Variants in MXI1 observed in about 807,000 individuals in gnomAD.
MXI1 encodes max-interacting protein 1.
In MXI1, 18 loss-of-function variants were observed where a neutral mutation model predicts 36.9. That is an observed-to-expected ratio of 0.49 (90% CI 0.34 to 0.72). MXI1 has a LOEUF of 0.72. MXI1 is among the 30% of genes least tolerant of loss of function. The pLI is 0.01. For synonymous variants in MXI1, 160 were observed against 146.7 expected, an observed-to-expected ratio of 1.09 and a Z score of -0.65; for missense variants, 304 against 379.1, an observed-to-expected ratio of 0.80 and a Z score of 1.64.
chr10:110,247,090 C>G (rs1855895117), intron 3 of MXI1, among the ~76,000 whole-genome samples: 2 of 152,090 alleles, frequency 1.3e-5, no homozygotes, highest in Non-Finnish European at 2.9e-5. Flanking sequence ...ACTAGGGACT[C>G]TCTTTAGTAA....
At chr10:110,280,802 C>T (rs1857220797) in intron 5 of MXI1, among the ~76,000 whole-genome samples, 1 of 152,078 alleles carries the variant, frequency 6.6e-6, no homozygotes, top group Non-Finnish European at 1.5e-5. Context: ...TTTTAAAGTA[C>T]AACACCCTTT....
At chr10:110,260,413 A>G (rs1856466361) in intron 3 of MXI1, among the ~76,000 whole-genome samples, 1 of 119,372 alleles carries the variant, frequency 8.4e-6, no homozygotes. Flanking sequence ...TTTCCTTGAT[A>G]CAGGTGTGTG....
intron 3 of MXI1, among the ~76,000 whole-genome samples, chr10:110,277,038 GT>G (rs1250662029): frequency 1.3e-5 from 2 of 151,892 alleles, no homozygotes; most frequent in Non-Finnish European, 2.9e-5. Context: ...TAGAGATGAG[GT>G]TTTACTGGGT....
chr10:110,279,344 A>C (rs1857152348), intron 4 of MXI1, 50 bp downstream of exon 4: 1 of 1,472,110 alleles, frequency 6.8e-7, no homozygotes, highest in Non-Finnish European at 9.5e-7. Context: ...TTCTGGTTTA[A>C]TTATTGGCAC....
At chr10:110,221,364 T>A (rs1297471791) in intron 1 of MXI1, among the ~76,000 whole-genome samples, 1 of 152,228 alleles carries the variant, frequency 6.6e-6, no homozygotes, top group Non-Finnish European at 1.5e-5. Context: ...CACAAACTTC[T>A]ATGACATAAA....
chr10:110,228,372 T>C (rs1329218775), intron 2 of MXI1, 51 bp downstream of exon 2: 1 of 1,608,294 alleles, frequency 6.2e-7, no homozygotes, highest in African/African-American at 1.3e-5. Context: ...AGGAGCACAT[T>C]TCTCCTGTAA....
chr10:110,218,626 C>G (rs1854717897), intron 1 of MXI1, among the ~76,000 whole-genome samples: 1 of 152,150 alleles, frequency 6.6e-6, no homozygotes, highest in Non-Finnish European at 1.5e-5. Context: ...GCTCCTTTCT[C>G]TAGACGGAGA....
At chr10:110,262,790 A>G (rs1366099519) in intron 3 of MXI1, among the ~76,000 whole-genome samples, 3 of 152,148 alleles carry the variant, frequency 2.0e-5, no homozygotes, top group Non-Finnish European at 4.4e-5. Context: ...CAAAGTCAGG[A>G]TGAGAAACTA....
intron 2 of MXI1, among the ~76,000 whole-genome samples, chr10:110,242,256 C>T (rs1408333617): frequency 6.6e-6 from 1 of 151,950 alleles, no homozygotes. Context: ...TACTTTGTAC[C>T]TTTCTTTGTA....
chr10:110,213,316 T>C (rs944490956), intron 1 of MXI1, among the ~76,000 whole-genome samples: 2 of 152,372 alleles, frequency 1.3e-5, no homozygotes, highest in Middle Eastern at 3.4e-3. Flanking sequence ...AGCAATCTTA[T>C]GAATTCATAC....
chr10:110,232,767 C>A (rs1855321467), intron 2 of MXI1, among the ~76,000 whole-genome samples: 1 of 152,154 alleles, frequency 6.6e-6, no homozygotes, highest in Admixed American at 6.5e-5. Context: ...GATAAAACCC[C>A]TGTTTTGGCA....
chr10:110,238,352 C>G (rs879532416), intron 2 of MXI1, among the ~76,000 whole-genome samples: 19 of 152,136 alleles, frequency 1.2e-4, no homozygotes, highest in Admixed American at 4.6e-4. Context: ...CGAAGACCCA[C>G]TATGAATAAT....
intron 3 of MXI1, among the ~76,000 whole-genome samples, chr10:110,260,416 G>GGT (rs151334728): frequency 0.011 from 1,540 of 144,620 alleles, 11 homozygotes; most frequent in Middle Eastern, 0.025. Flanking sequence ...CCTTGATACA[G>GGT]GTGTGTGTGT....
chr10:110,209,256 A>C (rs1462667607), intron 1 of MXI1, among the ~76,000 whole-genome samples: 1 of 152,090 alleles, frequency 6.6e-6, no homozygotes, highest in Non-Finnish European at 1.5e-5. Flanking sequence ...GATAGGGGGA[A>C]ACCGGGATGT....
chr10:110,277,751 A>T (rs76502104), intron 3 of MXI1, among the ~76,000 whole-genome samples: 3,541 of 152,334 alleles, frequency 0.023, 152 homozygotes, highest in African/African-American at 0.08. Context: ...TCAGACCTTT[A>T]ACTATAGTTA....
intron 1 of MXI1, among the ~76,000 whole-genome samples, chr10:110,222,173 A>G (rs1156820980): frequency 2.0e-5 from 3 of 152,166 alleles, no homozygotes; most frequent in African/African-American, 4.8e-5. Context: ...GGAAAAATGT[A>G]TAACTGTTAA....
At chr10:110,276,424 A>T (rs1351200438) in intron 3 of MXI1, among the ~76,000 whole-genome samples, 1 of 152,186 alleles carries the variant, frequency 6.6e-6, no homozygotes, top group East Asian at 1.9e-4. Context: ...TCATAGACAA[A>T]TTCAATATTC....
chr10:110,210,236 C>T (rs1224190892), intron 1 of MXI1: 2 of 984,918 alleles, frequency 2.0e-6, no homozygotes, highest in South Asian at 4.7e-5. Context: ...CAGCCCATCG[C>T]CCGAGGCGTC....
chr10:110,242,488 T>C (rs1235682281), intron 2 of MXI1, among the ~76,000 whole-genome samples: 1 of 152,048 alleles, frequency 6.6e-6, no homozygotes, highest in Non-Finnish European at 1.5e-5. Context: ...TAATGATTTG[T>C]ATATTTATGA....
Sources: allele counts gnomAD v4.1 joint callset (sites outside exome capture counted in the v4.1 genomes callset), GRCh38; gene constraint gnomAD v4.1.1; transcripts MANE v1.5; gene names NCBI Gene and HGNC (gene_info 2026-07-23, HGNC 2026-07-21).